Variants in RWDD4 observed in about 807,000 individuals in gnomAD.
RWDD4 encodes RWD domain containing 4.
In RWDD4, 16 loss-of-function variants were observed where a neutral mutation model predicts 30.0. That is an observed-to-expected ratio of 0.53 (90% CI 0.36 to 0.81). The LOEUF (loss-of-function observed/expected upper bound fraction) is 0.81, where lower values mean the gene tolerates loss of function less well. RWDD4 is among the 30% of genes least tolerant of loss of function. The pLI is 0.00. For missense variants in RWDD4, 170 were observed against 223.9 expected (o/e 0.76, Z 1.54); for synonymous variants, 45 against 72.1 (o/e 0.62, Z 1.90).
At chr4:183,658,829 G>T in intron 1 of RWDD4, 100 bp downstream of exon 1, 1 of 1,085,590 alleles carries the variant, frequency 9.2e-7, no homozygotes, top group Non-Finnish European at 1.2e-6. Context: ...GAGGGCACAG[G>T]GCACGTGCCG....
chr4:183,643,800 T>C (rs1288512683), intron 7 of RWDD4, among the ~76,000 whole-genome samples: 1 of 152,016 alleles, frequency 6.6e-6, no homozygotes, highest in Non-Finnish European at 1.5e-5. Flanking sequence ...CGCCTGTAAT[T>C]CCAACTACTT....
Position 183,640,941 on chromosome 4 carries a change from G to C in RWDD4, c.*495C>G, listed in dbSNP as rs1733843404. 6.6e-6 allele frequency: 1 copy of C among 152,268 alleles called. No individual in the cohort carries two copies. Among genetic ancestry groups the C allele is most frequent in the Non-Finnish European group, 1.5e-5 (1 of 68,036 alleles). The allele number at this position is 152,268 out of a possible 1,614,324, so 9.4% of individuals were successfully genotyped here. On this transcript the variant is annotated 3_prime_UTR_variant, in exon 8 of 8. Transcript: ENST00000326397. ...TATCATGTATAAAGTTCAAATACCA[G>C]CATTTAAATTTCTCTGAAGTAATTT... is the stretch of plus-strand genomic sequence containing the variant.
chr4:183,644,437 A>G (rs1007925537), intron 7 of RWDD4, among the ~76,000 whole-genome samples: 7 of 152,254 alleles, frequency 4.6e-5, no homozygotes, highest in Non-Finnish European at 1.0e-4. Context: ...TTTCAATAGA[A>G]AATGCATTCA....
chr4:183,652,944 G>A (rs549024116), intron 2 of RWDD4, among the ~76,000 whole-genome samples: 33 of 151,980 alleles, frequency 2.2e-4, no homozygotes, highest in Middle Eastern at 3.2e-3. Context: ...GGCTGGTCTC[G>A]AACTCCTGAG....
chr4:183,648,248 GA>G (rs1207009091), intron 5 of RWDD4, among the ~76,000 whole-genome samples: 441 of 101,618 alleles, frequency 4.3e-3, no homozygotes, highest in Middle Eastern at 0.04. Context: ...AAAGAAAAAA[GA>G]AAAAAAAAAA....
Position 183,641,225 on chromosome 4 carries a change from T to G in RWDD4, c.*211A>C. 1 of 597,082 alleles carries G rather than the reference T, an allele frequency of 1.7e-6. No homozygotes were observed. The highest frequency in any genetic ancestry group is 3.2e-5 in the Admixed American group (1 of 31,534). The allele number at this position is 597,082 out of a possible 1,614,324, so 37.0% of individuals were successfully genotyped here. On this transcript the variant is annotated 3_prime_UTR_variant, in exon 8 of 8. Transcript: ENST00000326397. ...ATAAAGTATACTAAACAGTAACATTTTCACCTTTTATTAAGGCAAGTTTGT... is the reference window on the plus strand; with the variant it reads ...ATAAAGTATACTAAACAGTAACATTGTCACCTTTTATTAAGGCAAGTTTGT...
chr4:183,645,211 C>G (rs975337770), intron 7 of RWDD4, among the ~76,000 whole-genome samples: 2 of 152,204 alleles, frequency 1.3e-5, no homozygotes, highest in African/African-American at 2.4e-5. Context: ...TAATCTTTAA[C>G]TACCCTTGCA....
intron 7 of RWDD4, among the ~76,000 whole-genome samples, chr4:183,643,382 C>T (rs1326549910): frequency 9.3e-6 from 1 of 107,762 alleles, no homozygotes; most frequent in Non-Finnish European, 1.7e-5. Context: ...CGCCACTGAA[C>T]TCCAGCCTGA....
chr4:183,656,225 G>T, intron 1 of RWDD4: 1 of 269,100 alleles, frequency 3.7e-6, no homozygotes. Context: ...CTGTCAAGAG[G>T]CTCCTATTAT....
At chr4:183,651,698 A>G (rs1734079781) in intron 2 of RWDD4, among the ~76,000 whole-genome samples, 1 of 152,198 alleles carries the variant, frequency 6.6e-6, no homozygotes, top group South Asian at 2.1e-4. Flanking sequence ...ATAATTCACA[A>G]ACTCGACACA....
intron 2 of RWDD4, 33 bp downstream of exon 2, chr4:183,655,848 G>A: frequency 7.3e-7 from 1 of 1,369,892 alleles, no homozygotes; most frequent in Non-Finnish European, 1.0e-6. Context: ...TTCTAGAAAA[G>A]TTCTAAGTGC....
chr4:183,646,912 T>C (rs942249777), intron 5 of RWDD4, among the ~76,000 whole-genome samples: 2 of 152,216 alleles, frequency 1.3e-5, no homozygotes, highest in African/African-American at 4.8e-5. Flanking sequence ...GTTGTATTGT[T>C]CTGTTTAATA....
intron 7 of RWDD4, among the ~76,000 whole-genome samples, 158 bp downstream of exon 7, chr4:183,646,193 T>TGTAA (rs1733962869): frequency 6.6e-6 from 1 of 152,056 alleles, no homozygotes; most frequent in Non-Finnish European, 1.5e-5. Context: ...TGTGAGCCAC[T>TGTAA]GTCCCCTAAG....
chr4:183,649,411 T>C (rs773240585), intron 5 of RWDD4, 40 bp downstream of exon 5: 2 of 1,361,572 alleles, frequency 1.5e-6, no homozygotes, highest in Non-Finnish European at 2.1e-6. Flanking sequence ...TGAGACTCTG[T>C]CAAAAAAAAG....
Position 183,658,936 on chromosome 4 carries a change from T to C in RWDD4, c.17A>G (p.Asp6Gly). 7 of 1,273,044 alleles carry C rather than the reference T, an allele frequency of 5.5e-6. No homozygotes were observed. The highest frequency in any genetic ancestry group is 6.9e-6 in the Non-Finnish European group (7 of 1,010,750). 78.9% of individuals were successfully genotyped at this position (1,273,044 alleles called of 1,614,324 possible). Residue 6 changes from aspartate (D) to glycine (G), a missense_variant, in exon 1 of 8, where the codon GAC becomes GGC. By Grantham distance (94) the Asp-to-Gly change is moderately conservative (BLOSUM62 -1). Transcript: ENST00000326397. MSANE[D>G]QEMELEALRS... The stretch of plus-strand genomic sequence containing the variant: ...CTGAGCCGGGGGGCTCACCTCCTGG[T>C]CCTCGTTGGCACTCATCGCGCCGGT...
chr4:183,655,768 A>G (rs1734180921), intron 2 of RWDD4, 113 bp downstream of exon 2: 1 of 637,014 alleles, frequency 1.6e-6, no homozygotes, highest in Non-Finnish European at 2.8e-6. Context: ...AATGCTACAG[A>G]AAATACAGAC....
Position 183,651,324 on chromosome 4 carries a change from C to T in RWDD4, c.109G>A (p.Gly37Ser). Residue 37 changes from glycine to serine, a missense_variant, in exon 3 of 8, where the codon GGT (glycine) becomes AGT (serine). Transcript: ENST00000326397. The part of the protein sequence containing the change: ...LSPVSFQYRI[G>S]ENGDPKAFLI... ...AAGGCTTTGGGATCACCATTTTCAC[C>T]TATCTGAAGAGAAGGGGAAATCTTA... The T allele has an allele frequency of 6.2e-7, 1 of 1,607,606 alleles. No individual in the cohort carries two copies. The highest frequency in any genetic ancestry group is 1.1e-5 in the South Asian group (1 of 90,444).
At chr4:183,656,004 G>C in intron 1 of RWDD4, 43 bp from the exon 2 acceptor site, 1 of 1,321,610 alleles carries the variant, frequency 7.6e-7, no homozygotes. Context: ...TGGTATAAAT[G>C]AATTAGAAAT....
rs74421926 is a variant in RWDD4, at chr4:183,656,366, A to G, written c.25-405T>C. Reference sequence around the variant, plus strand: ...CTAAAGATAAGAACTATGAAAAACAATACTTTCCCATTATTTACATACATT... The same window carrying G: ...CTAAAGATAAGAACTATGAAAAACAGTACTTTCCCATTATTTACATACATT... On this transcript the variant is annotated intron_variant, in intron 1 of 7. Transcript: ENST00000326397. 4.7e-3 allele frequency among the ~76,000 whole-genome samples: 722 copies of G among 152,340 alleles called. 9 individuals are homozygous for G. Among genetic ancestry groups the G allele is most frequent in the African/African-American group, 0.017 (687 of 41,574 alleles).
Sources: gnomAD v4.1 joint callset for allele counts (sites outside exome capture counted in the v4.1 genomes callset) on GRCh38, gnomAD v4.1.1 for gene constraint, MANE v1.5 for transcripts, NCBI Gene and HGNC (gene_info 2026-07-23, HGNC 2026-07-21) for gene names.